The following CACNA1E variants were observed in gnomAD, a reference collection of about 807,000 sequenced individuals.
The protein encoded by CACNA1E is calcium voltage-gated channel subunit alpha1 E.
CACNA1E carries 40 observed loss-of-function variants against 259.2 expected under a neutral mutation model. That is an observed-to-expected ratio of 0.15 (90% confidence interval 0.12 to 0.20). The LOEUF is 0.20. CACNA1E is among the 10% of genes least tolerant of loss of function. The probability of loss-of-function intolerance (pLI) is 1.00; values close to 1 mark genes in which losing one functional copy is unlikely to be tolerated. For missense variants in CACNA1E, 1,874 were observed against 3,040.1 expected, an observed-to-expected ratio of 0.62 and a Z score of 9.02; for synonymous variants, 1,104 against 1,138.5, an observed-to-expected ratio of 0.97 and a Z score of 0.61.
At position 181,519,598 on chromosome 1, in the gene CACNA1E, A is replaced by G. The variant is rs1184265515; in HGVS notation, c.512+8088A>G. On this transcript the variant is annotated intron_variant, in intron 3 of 47. Coordinates refer to ENST00000367573, the MANE Select transcript of CACNA1E (RefSeq NM_001205293.3). ...CCTTACTTATTATTTTTTTCACAGA[A>G]GAGAAGACTAAAGTGCATGTTGCTA... Among the ~76,000 whole-genome samples, 3 of 152,138 alleles carry G rather than the reference A, an allele frequency of 2.0e-5. No individual in the cohort carries two copies. The East Asian group carries it at 5.8e-4, about 29-fold the overall frequency.
intron 1 of CACNA1E, among the ~76,000 whole-genome samples, chr1:181,407,168 C>T (rs1382239407): frequency 6.6e-6 from 1 of 152,102 alleles, no homozygotes; most frequent in Non-Finnish European, 1.5e-5. Context: ...TTAGCCCATC[C>T]TTGAACAGTC....
chr1:181,736,555 G>A, intron 22 of CACNA1E, 121 bp downstream of exon 22: 1 of 913,574 alleles, frequency 1.1e-6, no homozygotes, highest in South Asian at 1.8e-5. Context: ...CCTTCCTGGT[G>A]GAGCATGGCC....
chr1:181,704,134 A>G (rs1036374784), intron 7 of CACNA1E, among the ~76,000 whole-genome samples: 1 of 152,110 alleles, frequency 6.6e-6, no homozygotes, highest in Admixed American at 6.5e-5. Context: ...TTGACAACCT[A>G]AGTCTCCTTA....
chr1:181,784,374 G>T (rs1325611839), intron 40 of CACNA1E, among the ~76,000 whole-genome samples: 1 of 152,202 alleles, frequency 6.6e-6, no homozygotes, highest in African/African-American at 2.4e-5. Context: ...CTCCTCTGAT[G>T]TATTGAGCAC....
chr1:181,325,230 A>G (rs778250639), intron 1 of CACNA1E, among the ~76,000 whole-genome samples: 1 of 152,176 alleles, frequency 6.6e-6, no homozygotes, highest in Admixed American at 6.5e-5. Context: ...CCTTTGAGAC[A>G]TCTTGTGTGA....
At chr1:181,492,128 A>G (rs1664370421) in intron 1 of CACNA1E, among the ~76,000 whole-genome samples, 2 of 152,026 alleles carry the variant, frequency 1.3e-5, no homozygotes, top group African/African-American at 4.8e-5. Flanking sequence ...CACGGAAAAC[A>G]AAACAAAACA....
intron 1 of CACNA1E, among the ~76,000 whole-genome samples, chr1:181,498,014 A>C (rs770528171): frequency 1.3e-5 from 2 of 152,182 alleles, no homozygotes; most frequent in African/African-American, 2.4e-5. Context: ...ATCTGTCTGC[A>C]GAGCGCGTTT....
At chr1:181,651,270 G>A in intron 6 of CACNA1E, 68 bp from the exon 7 acceptor site, 1 of 1,022,480 alleles carries the variant, frequency 9.8e-7, no homozygotes, top group Non-Finnish European at 1.5e-6. Flanking sequence ...CTGTGCAGCT[G>A]CAAGAATGTA....
chr1:181,684,996 A>T (rs1650370694), intron 7 of CACNA1E, among the ~76,000 whole-genome samples: 1 of 150,630 alleles, frequency 6.6e-6, no homozygotes, highest in South Asian at 2.1e-4. Context: ...GGCTTAATAT[A>T]TTGTAAAGAC....
At position 181,483,857 on chromosome 1, in the gene CACNA1E, C is replaced by T. The variant is rs971589755; in HGVS notation, c.113C>T (p.Ala38Val). Residue 38 changes from alanine (A) to valine (V), a missense_variant, in exon 1 of 48, where the codon GCC becomes GTC. Around this residue, in one of 14 missense-constraint regions of CACNA1E, gnomAD observed 110 missense variants for 122.8 expected, o/e 0.90. Coordinates refer to ENST00000367573, the MANE Select transcript of CACNA1E (RefSeq NM_001205293.3). ...GTGCCGGCCTCGGGGCAGGCGGCCG[C>T]CTACAAGCAGACGAAAGCACAGAGG... ...TPVPASGQAA[A>V]YKQTKAQRAR... The T allele has an allele frequency of 3.7e-6, 6 of 1,613,618 alleles. No homozygotes were observed. The African/African-American group carries it at 4.0e-5, about 11-fold the overall frequency.
chr1:181,358,047 G>A (rs1195235451), intron 1 of CACNA1E, among the ~76,000 whole-genome samples: 2 of 152,194 alleles, frequency 1.3e-5, no homozygotes, highest in Non-Finnish European at 2.9e-5. Flanking sequence ...TCTAGTGTCA[G>A]GGGAGGCAGT....
Position 181,590,052 on chromosome 1 carries a change from T to A in CACNA1E, c.951+9276T>A, listed in dbSNP as rs545095561. Reference sequence around the variant, plus strand: ...CATTCCATGCCTGTTGAAAACAATATGCGTAGATTTACAGACCTTTGCCTG... The same window carrying A: ...CATTCCATGCCTGTTGAAAACAATAAGCGTAGATTTACAGACCTTTGCCTG... On this transcript the variant is annotated intron_variant, in intron 6 of 47. Transcript: ENST00000367573. Among the ~76,000 whole-genome samples the A allele has an allele frequency of 2.0e-4, 30 of 152,248 alleles. No individual in the cohort carries two copies. The South Asian group carries it at 6.2e-3, about 32-fold the overall frequency.
intron 2 of CACNA1E, among the ~76,000 whole-genome samples, chr1:181,447,178 G>A (rs1660840333): frequency 2.0e-5 from 3 of 151,390 alleles, no homozygotes; most frequent in African/African-American, 7.2e-5. Flanking sequence ...AAGAAAACCT[G>A]CTTGTTATTC....
chr1:181,334,914 C>G (rs575171825), intron 1 of CACNA1E, among the ~76,000 whole-genome samples: 2 of 152,192 alleles, frequency 1.3e-5, no homozygotes, highest in Non-Finnish European at 2.9e-5. Context: ...GGTCTGAGAG[C>G]TGGCCCACCG....
At chr1:181,717,324 A>G (rs768645498) in intron 11 of CACNA1E, 22 bp downstream of exon 11, 2 of 1,595,710 alleles carry the variant, frequency 1.3e-6, no homozygotes, top group Admixed American at 1.7e-5. Flanking sequence ...CTCTCTCTAA[A>G]GCCTCCTCTG....
At chr1:181,516,931 A>G (rs1314369552) in intron 3 of CACNA1E, among the ~76,000 whole-genome samples, 1 of 148,082 alleles carries the variant, frequency 6.8e-6, no homozygotes, top group African/African-American at 2.5e-5. Context: ...GGGGAGGGGC[A>G]GGTGTGTCTG....
chr1:181,710,831 G>A (rs1294482425), intron 7 of CACNA1E, 123 bp from the exon 8 acceptor site: 4 of 685,364 alleles, frequency 5.8e-6, no homozygotes, highest in Non-Finnish European at 1.0e-5. Context: ...TGGGTCAGGG[G>A]AAAGGGTACA....
At chr1:181,736,540 T>C (rs2102576943) in intron 22 of CACNA1E, 106 bp downstream of exon 22, 1 of 1,049,428 alleles carries the variant, frequency 9.5e-7, no homozygotes, top group South Asian at 1.7e-5. Flanking sequence ...AGCCATCTTC[T>C]TAAGCCTTCC....
At position 181,798,619 on chromosome 1, in the gene CACNA1E, G is replaced by A; in HGVS notation, c.6727G>A (p.Asp2243Asn). Reference sequence around the variant, plus strand: ...CCTGCACGAAGACTCCCACGCCTCAGACTGTGGTGAGGAGGAGACGCTCAC... The same window carrying A: ...CCTGCACGAAGACTCCCACGCCTCAAACTGTGGTGAGGAGGAGACGCTCAC... ...LALHEDSHAS[D>N]CGEEETLTFE... The change falls in exon 48 of 48, where the codon GAC (aspartate) becomes AAC (asparagine). Residue 2243 changes from aspartate to asparagine, a missense_variant. Transcript: ENST00000367573. This position sits in a 1 kb window ranked among gnomAD's most constrained non-coding sequence, Gnocchi z 4.2. 1 of 1,613,000 alleles carries A rather than the reference G, an allele frequency of 6.2e-7. No homozygotes were observed. Among genetic ancestry groups the A allele is most frequent in the South Asian group, 1.1e-5 (1 of 91,058 alleles).
Sources: allele counts gnomAD v4.1 joint callset (sites outside exome capture counted in the v4.1 genomes callset), GRCh38; gene constraint gnomAD v4.1.1; regional missense constraint gnomAD v4.1.1; non-coding constraint Gnocchi (gnomAD v3.1); transcripts MANE v1.5; gene names NCBI Gene and HGNC (gene_info 2026-07-23, HGNC 2026-07-21).